PTCD2: variants seen among roughly 807,000 people sequenced by gnomAD.
PTCD2 encodes the protein pentatricopeptide repeat-containing protein 2, mitochondrial.
PTCD2 carries 31 observed loss-of-function variants against 42.6 expected under a neutral mutation model. The observed-to-expected ratio is 0.73, with a 90% CI of 0.55 to 0.98. The LOEUF (loss-of-function observed/expected upper bound fraction) is 0.98, where lower values mean the gene tolerates loss of function less well. Among genes scored for constraint, PTCD2 ranks in the 50% least tolerant of loss-of-function variants. The probability of loss-of-function intolerance (pLI) is 0.00; values close to 1 mark genes in which losing one functional copy is unlikely to be tolerated. For synonymous variants in PTCD2, 183 were observed against 170.9 expected (o/e 1.07, Z -0.55); for missense variants, 476 against 454.8 (o/e 1.05, Z -0.42).
rs575544269 is a variant in PTCD2 at position 72,341,434 on chromosome 5, A to G, written c.754-1528A>G. 5.9e-5 allele frequency among the ~76,000 whole-genome samples: 9 copies of G among 152,072 alleles called. No individual in the cohort carries two copies. The South Asian group carries it at 1.9e-3, about 32-fold the overall frequency. Reference sequence around the variant, plus strand: ...TGTGGTGGTTCTTTTTTGACTATTCATCATTGAAAAGTGTAAGTTTCAGGC... The same window carrying G: ...TGTGGTGGTTCTTTTTTGACTATTCGTCATTGAAAAGTGTAAGTTTCAGGC... On this transcript the variant is annotated intron_variant, in intron 7 of 9. Transcript: ENST00000380639.
chr5:72,356,537 A>G (rs898269258), intron 9 of PTCD2, among the ~76,000 whole-genome samples: 19 of 152,236 alleles, frequency 1.2e-4, no homozygotes, highest in Non-Finnish European at 2.5e-4. Context: ...TTATGCCAGC[A>G]GTTATTTAAA....
At chr5:72,344,942 G>A (rs893017918) in intron 8 of PTCD2, among the ~76,000 whole-genome samples, 10 of 152,196 alleles carry the variant, frequency 6.6e-5, no homozygotes, top group Admixed American at 2.6e-4. Flanking sequence ...GGACCAGGGC[G>A]AAATTAAAAT....
At chr5:72,339,508 G>T (rs1364184070) in intron 7 of PTCD2, among the ~76,000 whole-genome samples, 2 of 152,198 alleles carry the variant, frequency 1.3e-5, no homozygotes, top group East Asian at 1.9e-4. Context: ...ATATACTGCT[G>T]GGGGGAGTCA....
rs574344720 is a variant in PTCD2, at chr5:72,360,521, C to G, written c.*2094C>G. 2 of 152,220 alleles carry G rather than the reference C, an allele frequency of 1.3e-5. No individual in the cohort carries two copies. Among genetic ancestry groups the G allele is most frequent in the East Asian group, 1.9e-4 (1 of 5,180 alleles). 9.4% of individuals were successfully genotyped at this position (152,220 alleles called of 1,614,324 possible). On this transcript the variant is annotated 3_prime_UTR_variant, in exon 10 of 10. Transcript: ENST00000380639. Reference sequence around the variant, plus strand: ...GTAGCTATATGCATAATGTTCACCCCAAAGTAATAGATGATTTTAAAGTCT... The same window carrying G: ...GTAGCTATATGCATAATGTTCACCCGAAAGTAATAGATGATTTTAAAGTCT...
intron 2 of PTCD2, 144 bp downstream of exon 2, chr5:72,322,408 C>G: frequency 1.6e-6 from 1 of 619,824 alleles, no homozygotes; most frequent in Non-Finnish European, 2.9e-6. Flanking sequence ...ATAGTGAACT[C>G]TTATATTTAT....
chr5:72,365,060 G>A lies in PTCD2; in HGVS notation c.*6633G>A, dbSNP rs926989471. 4 of 152,410 alleles carry A rather than the reference G, an allele frequency of 2.6e-5. No individual in the cohort carries two copies. The highest frequency in any genetic ancestry group is 9.7e-5 in the African/African-American group (4 of 41,426). 9.4% of individuals were successfully genotyped at this position (152,410 alleles called of 1,614,324 possible). A position where few individuals can be genotyped will look rare whatever the true frequency, so the allele number is the denominator to read the frequency against. ...AGGCAGCATTACCACAGGCATTAAA[G>A]ATGGGGATGGGGAAAGAAGGCCCAG... On this transcript the variant is annotated 3_prime_UTR_variant, in exon 10 of 10. Coordinates refer to ENST00000380639, the MANE Select transcript of PTCD2 (RefSeq NM_024754.5).
intron 5 of PTCD2, chr5:72,335,504 A>G (rs942403948): frequency 1.2e-5 from 4 of 322,532 alleles, no homozygotes; most frequent in Non-Finnish European, 2.2e-5. Flanking sequence ...AAGTGGCTGA[A>G]TTCTGGAGAC....
At chr5:72,352,492 G>A (rs1366495011) in intron 8 of PTCD2, 149 bp from the exon 9 acceptor site, 1 of 509,986 alleles carries the variant, frequency 2.0e-6, no homozygotes, top group Non-Finnish European at 3.5e-6. Flanking sequence ...TTTAAAGCAC[G>A]TTTTTGAACT....
rs777210186 is a variant in PTCD2, at chr5:72,338,711, C to T, written c.729C>T (p.Phe243=). ...TTCTCTCCAGGAGAGCATCCTGTTT[C>T]GCTGTGGCATTAGCTCTGAATCAGG... The part of the protein sequence containing the change: ...GEILSRRASC[F]AVALALNQNE... The change falls in exon 7 of 10, where the codon TTC becomes TTT. Residue 243 remains phenylalanine (F), a synonymous_variant. Transcript: ENST00000380639. 24 of 1,609,572 alleles carry T rather than the reference C, an allele frequency of 1.5e-5. No homozygotes were observed. In the East Asian group the frequency reaches 2.7e-4, roughly 18 times the overall value.
In PTCD2 at chr5:72,335,892, C is replaced by T. The variant is rs775017298; in HGVS notation, c.639+7C>T. ...TGCAATTTGCTACAAACTGGTAAGA[C>T]TCTTTCCTCTTAACTTTGAGAGCAT... On this transcript the variant is annotated splice_region_variant and intron_variant, in intron 6 of 9. Transcript: ENST00000380639. 1.9e-6 allele frequency: 3 copies of T among 1,553,196 alleles called. No individual in the cohort carries two copies. The highest frequency in any genetic ancestry group is 1.7e-5 in the Admixed American group (1 of 59,908).
chr5:72,343,078 AT>A, intron 8 of PTCD2, 42 bp downstream of exon 8: 2 of 1,048,940 alleles, frequency 1.9e-6, no homozygotes, highest in East Asian at 2.7e-5. Context: ...CTTGAAATGT[AT>A]TATAATAAAT....
intron 3 of PTCD2, 88 bp downstream of exon 3, chr5:72,326,829 G>A (rs752020976): frequency 1.5e-6 from 2 of 1,367,520 alleles, no homozygotes; most frequent in Non-Finnish European, 2.0e-6. Flanking sequence ...CGAAGTTGTT[G>A]CCACCTCTAT....
Position 72,345,082 on chromosome 5 carries a change from G to A in PTCD2, c.828+2046G>A, listed in dbSNP as rs189393645. Among the ~76,000 whole-genome samples, 502 of 152,252 alleles carry A rather than the reference G, an allele frequency of 3.3e-3. 3 individuals are homozygous for A. Among genetic ancestry groups the A allele is most frequent in the Non-Finnish European group, 5.9e-3 (402 of 68,008 alleles). ...TCCTTGTCCTAATAAGCCTGGGAGC[G>A]CTACGGGAGACTGGGGCTTATTTCA... On this transcript the variant is annotated intron_variant, in intron 8 of 9. Coordinates refer to ENST00000380639, the MANE Select transcript of PTCD2 (RefSeq NM_024754.5).
rs192605828 is a variant in PTCD2 at position 72,358,375 on chromosome 5, T to A, written c.1115T>A (p.Met372Lys). Reference sequence around the variant, plus strand: ...CACACGTTGCTATTAAACAAGAGGATGGTCAGCCGTCGCACCTTCCAGCCA... The same window carrying A: ...CACACGTTGCTATTAAACAAGAGGAAGGTCAGCCGTCGCACCTTCCAGCCA... ...KSHTLLLNKRMVSRRTFQPLS... is the reference protein window; with the variant it reads ...KSHTLLLNKRKVSRRTFQPLS... Residue 372 changes from methionine to lysine, a missense_variant, in exon 10 of 10, where the codon ATG becomes AAG. Physicochemically the swap from Met to Lys is moderately conservative, Grantham distance 95. Transcript: ENST00000380639. 1.5e-4 allele frequency: 248 copies of A among 1,613,896 alleles called. 2 individuals are homozygous for A. The Admixed American group carries it at 2.1e-3, about 14-fold the overall frequency.
chr5:72,332,479 A>T (rs1751493100), intron 4 of PTCD2, among the ~76,000 whole-genome samples: 1 of 152,196 alleles, frequency 6.6e-6, no homozygotes. Flanking sequence ...AGGGGGTAGA[A>T]TTATTAAAAA....
intron 4 of PTCD2, among the ~76,000 whole-genome samples, chr5:72,333,182 A>T (rs1429928416): frequency 6.6e-6 from 1 of 151,944 alleles, no homozygotes; most frequent in Admixed American, 6.6e-5. Context: ...TCCCTTGCTG[A>T]CTTCACTCTG....
chr5:72,338,772 G>A, intron 7 of PTCD2, 37 bp downstream of exon 7: 2 of 1,140,692 alleles, frequency 1.8e-6, no homozygotes, highest in Non-Finnish European at 2.6e-6. Flanking sequence ...AATTGGGAGT[G>A]GCCAGGACTT....
At chr5:72,330,162 G>C (rs184104977) in intron 3 of PTCD2, among the ~76,000 whole-genome samples, 1 of 151,108 alleles carries the variant, frequency 6.6e-6, no homozygotes, top group African/African-American at 2.4e-5. Context: ...AGATGGTCTC[G>C]ATCTCCTGAC....
At chr5:72,324,340 C>T (rs945914588) in intron 2 of PTCD2, among the ~76,000 whole-genome samples, 8 of 152,212 alleles carry the variant, frequency 5.3e-5, no homozygotes, top group African/African-American at 1.9e-4. Flanking sequence ...CAGTGGTACT[C>T]TGTTGTATAC....
Sources: gnomAD v4.1 joint callset for allele counts (sites outside exome capture counted in the v4.1 genomes callset) on GRCh38, gnomAD v4.1.1 for gene constraint, MANE v1.5 for transcripts, NCBI Gene and HGNC (gene_info 2026-07-23, HGNC 2026-07-21) for gene names.